UBASH3B: variants seen among roughly 807,000 people sequenced by gnomAD.
UBASH3B encodes ubiquitin associated and SH3 domain containing B.
UBASH3B carries 37 observed loss-of-function variants against 83.4 expected under a neutral mutation model. That is an observed-to-expected ratio of 0.44 (90% CI 0.34 to 0.58). The LOEUF (loss-of-function observed/expected upper bound fraction) is 0.58. UBASH3B is among the 20% of genes least tolerant of loss of function. UBASH3B has a pLI of 0.01. For missense variants in UBASH3B, 657 were observed against 827.2 expected (o/e 0.79, Z 2.52); for synonymous variants, 304 against 318.3 (o/e 0.96, Z 0.48).
At chr11:122,665,253 T>C (rs1179044799) in intron 1 of UBASH3B, among the ~76,000 whole-genome samples, 4 of 151,974 alleles carry the variant, frequency 2.6e-5, no homozygotes, top group Admixed American at 1.3e-4. Flanking sequence ...TCCTAGCTCA[T>C]TGCAGCCTCG....
intron 9 of UBASH3B, 43 bp from the exon 10 acceptor site, chr11:122,798,899 G>A (rs747774282): frequency 1.3e-6 from 2 of 1,574,432 alleles, no homozygotes; most frequent in South Asian, 1.1e-5. Context: ...AGGTGAGACT[G>A]AGTAAATCCA....
chr11:122,729,293 G>A (rs543676245), intron 1 of UBASH3B, among the ~76,000 whole-genome samples: 1 of 152,202 alleles, frequency 6.6e-6, no homozygotes, highest in African/African-American at 2.4e-5. Flanking sequence ...TTGGTCTTGT[G>A]GCCCAGTTCA....
intron 1 of UBASH3B, among the ~76,000 whole-genome samples, chr11:122,730,440 C>T (rs1002218001): frequency 6.6e-6 from 1 of 152,184 alleles, no homozygotes; most frequent in African/African-American, 2.4e-5. Flanking sequence ...TTCATGTTGC[C>T]AGACCATCTC....
intron 3 of UBASH3B, chr11:122,779,282 G>A (rs1411888803): frequency 1.6e-6 from 1 of 607,198 alleles, no homozygotes; most frequent in South Asian, 1.9e-5. Context: ...GGAGGGAAGA[G>A]GTCATGTGTT....
Position 122,768,470 on chromosome 11 carries a change from A to ATGTGTGTGTGTGTG in UBASH3B, c.162-7723_162-7710dup, listed in dbSNP as rs568912747. Reference sequence around the variant, plus strand: ...AAGAAAAAGATAGAGATATATATGTATGTGTGTGTGTGTGTGTGTGTGTGT... The same window carrying ATGTGTGTGTGTGTG: ...AAGAAAAAGATAGAGATATATATGTATGTGTGTGTGTGTGTGTGTGTGTGTGTGTGTGTGTGTGT... On this transcript the variant is annotated intron_variant, in intron 1 of 13. Coordinates refer to ENST00000284273, the MANE Select transcript of UBASH3B (RefSeq NM_032873.5). 1.7e-3 allele frequency among the ~76,000 whole-genome samples: 240 copies of ATGTGTGTGTGTGTG among 140,120 alleles called. 1 individual carries two copies. The highest frequency in any genetic ancestry group is 8.7e-3 in the East Asian group (41 of 4,708). The allele number at this position is 140,120 out of a possible 152,430, so 91.9% of individuals were successfully genotyped here. A position where few individuals can be genotyped will look rare whatever the true frequency, so the allele number is the denominator to read the frequency against.
At chr11:122,777,891 G>A (rs530463523) in intron 3 of UBASH3B, among the ~76,000 whole-genome samples, 61 of 152,120 alleles carry the variant, frequency 4.0e-4, no homozygotes, top group Non-Finnish European at 7.4e-4. Flanking sequence ...CACCATGCCC[G>A]GCTAATTTTT....
At chr11:122,693,258 T>C (rs1351667586) in intron 1 of UBASH3B, among the ~76,000 whole-genome samples, 2 of 152,234 alleles carry the variant, frequency 1.3e-5, no homozygotes, top group East Asian at 3.8e-4. Context: ...CTATTTTCAC[T>C]TCTTTTGTGG....
intron 13 of UBASH3B, among the ~76,000 whole-genome samples, chr11:122,808,602 G>A (rs763326720): frequency 1.3e-5 from 2 of 152,174 alleles, no homozygotes; most frequent in Non-Finnish European, 2.9e-5. Context: ...AGGCTAAAAG[G>A]CAAAGCCAGG....
intron 1 of UBASH3B, among the ~76,000 whole-genome samples, chr11:122,675,623 C>A (rs1863657372): frequency 6.6e-6 from 1 of 152,180 alleles, no homozygotes; most frequent in Non-Finnish European, 1.5e-5. Flanking sequence ...CCCATCTGTG[C>A]AATTTAGTTC....
At chr11:122,676,024 A>T (rs1211716479) in intron 1 of UBASH3B, among the ~76,000 whole-genome samples, 5 of 152,230 alleles carry the variant, frequency 3.3e-5, no homozygotes, top group African/African-American at 4.8e-5. Flanking sequence ...CTCAGAAGTG[A>T]CTGTGCCAAT....
intron 1 of UBASH3B, among the ~76,000 whole-genome samples, chr11:122,667,994 C>G (rs1863542888): frequency 6.6e-6 from 1 of 152,098 alleles, no homozygotes; most frequent in African/African-American, 2.4e-5. Context: ...TTCTTTTGTT[C>G]TTTCTTTTTG....
intron 1 of UBASH3B, among the ~76,000 whole-genome samples, chr11:122,657,195 G>C (rs559628927): frequency 6.6e-6 from 1 of 152,362 alleles, no homozygotes; most frequent in South Asian, 2.1e-4. Context: ...TACAGCACCT[G>C]AACAGGAGAG....
At position 122,758,649 on chromosome 11, in the gene UBASH3B, G is replaced by T. The variant is rs984523126; in HGVS notation, c.162-17570G>T. ...CATATGTGGGGACTGAGATTAGATG[G>T]GTTAGGTCTGTGCGATTATAAGTAG... On this transcript the variant is annotated intron_variant, in intron 1 of 13. Transcript: ENST00000284273. This position sits in a 1 kb window ranked among gnomAD's most constrained non-coding sequence, Gnocchi z 4.2. Among the ~76,000 whole-genome samples the T allele has an allele frequency of 2.0e-5, 3 of 152,186 alleles. No homozygotes were observed. The highest frequency in any genetic ancestry group is 1.3e-4 in the Admixed American group (2 of 15,282).
At chr11:122,695,136 G>A (rs1280848869) in intron 1 of UBASH3B, among the ~76,000 whole-genome samples, 3 of 151,100 alleles carry the variant, frequency 2.0e-5, no homozygotes, top group East Asian at 1.9e-4. Flanking sequence ...GCTAATTTTT[G>A]CATTTTTCTT....
intron 1 of UBASH3B, among the ~76,000 whole-genome samples, chr11:122,659,425 T>C (rs1863405980): frequency 6.6e-6 from 1 of 152,158 alleles, no homozygotes; most frequent in Non-Finnish European, 1.5e-5. Context: ...GGTCACCTGA[T>C]CTAGTTGGAC....
At chr11:122,693,927 TTCAGTCATTCAC>T (rs1391271302) in intron 1 of UBASH3B, among the ~76,000 whole-genome samples, 1 of 152,168 alleles carries the variant, frequency 6.6e-6, no homozygotes, top group African/African-American at 2.4e-5. Flanking sequence ...CATCCATTCA[TTCAGTCATTCAC>T]CCAGTTGTGT....
chr11:122,766,407 A>T (rs1348037844), intron 1 of UBASH3B, among the ~76,000 whole-genome samples: 1 of 152,110 alleles, frequency 6.6e-6, no homozygotes, highest in African/African-American at 2.4e-5. Flanking sequence ...TAGCCAGGCG[A>T]GGTAGCGGGC....
intron 6 of UBASH3B, among the ~76,000 whole-genome samples, chr11:122,792,326 T>A (rs1027310173): frequency 6.6e-5 from 10 of 150,484 alleles, no homozygotes; most frequent in South Asian, 2.1e-4. Flanking sequence ...TTTTTTTTTT[T>A]AATTTTTTCT....
rs143226287 is a variant in UBASH3B, at chr11:122,708,657, TAGAC to T, written c.161+52450_161+52453del. 4.6e-3 allele frequency among the ~76,000 whole-genome samples: 707 copies of T among 152,284 alleles called. 6 individuals are homozygous for T. The highest frequency in any genetic ancestry group is 0.017 in the African/African-American group (688 of 41,554). On this transcript the variant is annotated intron_variant, in intron 1 of 13. Coordinates refer to ENST00000284273, the MANE Select transcript of UBASH3B (RefSeq NM_032873.5). Reference sequence around the variant, plus strand: ...TCTTCCAAAAAGTTTTATTGCCAAATAGACAGCACCATTCACTTGCATCCCTCAA... The same window carrying T: ...TCTTCCAAAAAGTTTTATTGCCAAATAGCACCATTCACTTGCATCCCTCAA...
Sources: gnomAD v4.1 joint callset for allele counts (sites outside exome capture counted in the v4.1 genomes callset) on GRCh38, gnomAD v4.1.1 for gene constraint, Gnocchi (gnomAD v3.1) non-coding constraint, MANE v1.5 for transcripts, NCBI Gene and HGNC (gene_info 2026-07-23, HGNC 2026-07-21) for gene names.